SGCZ: variants seen among roughly 807,000 people sequenced by gnomAD.
SGCZ encodes the protein zeta-sarcoglycan.
A neutral mutation model predicts 41.3 loss-of-function variants in SGCZ; 40 were observed. That is an observed-to-expected ratio of 0.97 (90% CI 0.75 to 1.26). SGCZ has a LOEUF of 1.26. Among genes scored for constraint, SGCZ ranks in the 50% most tolerant of loss-of-function variants. The probability of loss-of-function intolerance (pLI) is 0.00; values close to 1 mark genes in which losing one functional copy is unlikely to be tolerated. For missense variants in SGCZ, 552 were observed against 369.8 expected (o/e 1.49, Z -4.04); for synonymous variants, 206 against 137.5 (o/e 1.50, Z -3.49).
At chr8:14,877,056 C>G (rs1804388145) in intron 1 of SGCZ, among the ~76,000 whole-genome samples, 1 of 152,174 alleles carries the variant, frequency 6.6e-6, no homozygotes, top group African/African-American at 2.4e-5. Flanking sequence ...TCATTGCAAT[C>G]TCTGCCTCCC....
intron 2 of SGCZ, among the ~76,000 whole-genome samples, chr8:14,343,908 A>T (rs1044011115): frequency 8.6e-5 from 13 of 151,304 alleles, no homozygotes; most frequent in African/African-American, 1.5e-4. Flanking sequence ...AGTGCAAATT[A>T]AAAAAAAGAG....
chr8:14,890,914 A>G (rs183197393), intron 1 of SGCZ, among the ~76,000 whole-genome samples: 19 of 152,340 alleles, frequency 1.2e-4, no homozygotes, highest in Admixed American at 1.1e-3. Context: ...CCTGTGCTCT[A>G]GAAATGGAAA....
At chr8:14,253,037 A>G (rs1228395310) in intron 3 of SGCZ, among the ~76,000 whole-genome samples, 2 of 152,280 alleles carry the variant, frequency 1.3e-5, no homozygotes, top group East Asian at 1.9e-4. Context: ...ATCTTTTTGC[A>G]TAACCAATGA....
At chr8:14,641,069 G>T (rs112515453) in intron 1 of SGCZ, among the ~76,000 whole-genome samples, 1 of 151,546 alleles carries the variant, frequency 6.6e-6, no homozygotes, top group African/African-American at 2.4e-5. Context: ...TTCCCATCTT[G>T]TCCAGTGGTA....
intron 2 of SGCZ, among the ~76,000 whole-genome samples, chr8:14,333,520 G>T (rs79953947): frequency 5.4e-4 from 79 of 147,418 alleles, no homozygotes; most frequent in African/African-American, 1.6e-3. Flanking sequence ...ATGACCTGGT[G>T]AAAAAAAAAA....
At chr8:15,119,666 G>A (rs967976157) in intron 1 of SGCZ, among the ~76,000 whole-genome samples, 1 of 152,008 alleles carries the variant, frequency 6.6e-6, no homozygotes, top group Non-Finnish European at 1.5e-5. Context: ...TTAGTAATAT[G>A]ATTCCTTTTG....
chr8:14,542,990 G>GTGAT (rs1241996419), intron 2 of SGCZ, among the ~76,000 whole-genome samples: 1 of 151,858 alleles, frequency 6.6e-6, no homozygotes, highest in Non-Finnish European at 1.5e-5. Context: ...GGGAAAACCA[G>GTGAT]TGATTGTAAA....
intron 2 of SGCZ, among the ~76,000 whole-genome samples, chr8:14,485,248 T>C (rs935259059): frequency 1.3e-5 from 2 of 152,124 alleles, no homozygotes; most frequent in Non-Finnish European, 2.9e-5. Context: ...ATCCCAGAAT[T>C]TTTCTTTTTC....
chr8:14,930,392 T>G (rs1163117554), intron 1 of SGCZ, among the ~76,000 whole-genome samples: 3 of 151,912 alleles, frequency 2.0e-5, no homozygotes, highest in African/African-American at 7.3e-5. Flanking sequence ...TTGATGGGAG[T>G]GTAAATTAGT....
chr8:14,127,400 C>G (rs75293308), intron 5 of SGCZ, among the ~76,000 whole-genome samples: 21 of 152,042 alleles, frequency 1.4e-4, no homozygotes, highest in Non-Finnish European at 2.9e-4. Context: ...AATATGTTAC[C>G]AATCTCATCA....
chr8:14,407,866 G>C (rs191554173), intron 2 of SGCZ, among the ~76,000 whole-genome samples: 1 of 152,140 alleles, frequency 6.6e-6, no homozygotes, highest in Non-Finnish European at 1.5e-5. Flanking sequence ...ACACTTGAAA[G>C]AAGTGATTGA....
chr8:15,128,521 A>G (rs1052906280), intron 1 of SGCZ, among the ~76,000 whole-genome samples: 1 of 152,166 alleles, frequency 6.6e-6, no homozygotes, highest in African/African-American at 2.4e-5. Flanking sequence ...TTGTCCCTCC[A>G]GACTCTCCAT....
At chr8:14,286,456 C>T (rs1800633371) in intron 3 of SGCZ, among the ~76,000 whole-genome samples, 1 of 142,174 alleles carries the variant, frequency 7.0e-6, no homozygotes, top group Non-Finnish European at 1.6e-5. Context: ...GTTCCCTTCT[C>T]ACAAAACTCC....
At chr8:14,714,188 C>T (rs1235422840) in intron 1 of SGCZ, among the ~76,000 whole-genome samples, 3 of 152,040 alleles carry the variant, frequency 2.0e-5, no homozygotes, top group African/African-American at 4.8e-5. Flanking sequence ...AGGCTGGTTT[C>T]GAACTCCTGA....
At chr8:14,580,220 A>G (rs1804843350) in intron 1 of SGCZ, among the ~76,000 whole-genome samples, 1 of 152,246 alleles carries the variant, frequency 6.6e-6, no homozygotes, top group Admixed American at 6.5e-5. Context: ...AGGAATACAC[A>G]GAGCTATTAC....
intron 4 of SGCZ, among the ~76,000 whole-genome samples, chr8:14,213,981 C>A (rs1224363712): frequency 6.6e-6 from 1 of 152,032 alleles, no homozygotes; most frequent in Non-Finnish European, 1.5e-5. Context: ...ATGTTCATAG[C>A]AAGTTCAACA....
At chr8:15,010,292 G>T (rs1802779066) in intron 1 of SGCZ, among the ~76,000 whole-genome samples, 1 of 152,002 alleles carries the variant, frequency 6.6e-6, no homozygotes, top group African/African-American at 2.4e-5. Flanking sequence ...TATTGATGAA[G>T]CAGAAAATAA....
At chr8:14,406,720 G>A (rs1244823601) in intron 2 of SGCZ, among the ~76,000 whole-genome samples, 15 of 151,948 alleles carry the variant, frequency 9.9e-5, no homozygotes, top group Non-Finnish European at 4.4e-5. Flanking sequence ...CCCTTTCTAC[G>A]CAACAACATG....
In SGCZ at chr8:15,105,269, G is replaced by A. The variant is rs187165632; in HGVS notation, c.39+132316C>T. Among the ~76,000 whole-genome samples, 8 of 151,972 alleles carry A rather than the reference G, an allele frequency of 5.3e-5. No homozygotes were observed. The East Asian group carries it at 1.2e-3, about 22-fold the overall frequency. ...TTGCCAGTTTCACTTCTGTATTTTCGACCTTGTCCATGATTATTCCCCCTA... is the reference window on the plus strand; with the variant it reads ...TTGCCAGTTTCACTTCTGTATTTTCAACCTTGTCCATGATTATTCCCCCTA... On this transcript the variant is annotated intron_variant, in intron 1 of 7. Coordinates refer to ENST00000382080, the MANE Select transcript of SGCZ (RefSeq NM_139167.4).
Sources: gnomAD v4.1 joint callset for allele counts (sites outside exome capture counted in the v4.1 genomes callset) on GRCh38, gnomAD v4.1.1 for gene constraint, MANE v1.5 for transcripts, NCBI Gene and HGNC (gene_info 2026-07-23, HGNC 2026-07-21) for gene names.